ACVRL1: variants seen among roughly 807,000 people sequenced by gnomAD.
ACVRL1 encodes activin A receptor like type 1.
A neutral mutation model predicts 51.9 loss-of-function variants in ACVRL1; 20 were observed. That is an observed-to-expected ratio of 0.39 (90% CI 0.27 to 0.56). The LOEUF is 0.56. ACVRL1 is among the 20% of genes least tolerant of loss of function. The pLI is 0.67. For synonymous variants in ACVRL1, 288 were observed against 280.9 expected, an observed-to-expected ratio of 1.03 and a Z score of -0.25; for missense variants, 451 against 670.3, an observed-to-expected ratio of 0.67 and a Z score of 3.61.
Position 51,913,269 on chromosome 12 carries a change from A to G in ACVRL1, c.232A>G (p.Arg78Gly). The G allele has an allele frequency of 6.3e-7, 1 of 1,599,692 alleles. No individual in the cohort carries two copies. The highest frequency in any genetic ancestry group is 8.5e-7 in the Non-Finnish European group (1 of 1,173,288). Residue 78 changes from arginine to glycine, a missense_variant, in exon 3 of 10, where the codon AGG (arginine) becomes GGG (glycine). Physicochemically the swap from Arg to Gly is moderately radical, Grantham distance 125 (BLOSUM62 -2). Coordinates refer to ENST00000388922, the MANE Select transcript of ACVRL1 (RefSeq NM_000020.3). ...CGGGAACTTGCACAGGGAGCTCTGC[A>G]GGGGGCGCCCCACCGAGTTCGTCAA... Reference protein sequence around the residue: ...GCGNLHRELCRGRPTEFVNHY... With the variant: ...GCGNLHRELCGGRPTEFVNHY...
rs1243957857 is a variant in ACVRL1 at position 51,921,227 on chromosome 12, G to T, written c.*334G>T. ...GCCAAGCCAGGGAATCCCAGTCCCA[G>T]ACTCAGAGCCCGGGCCTGCACTTTG... On this transcript the variant is annotated 3_prime_UTR_variant, in exon 10 of 10. Coordinates refer to ENST00000388922, the MANE Select transcript of ACVRL1 (RefSeq NM_000020.3). 1.3e-5 allele frequency: 5 copies of T among 379,482 alleles called. No homozygotes were observed. Among genetic ancestry groups the T allele is most frequent in the Non-Finnish European group, 2.5e-5 (5 of 196,872 alleles). The allele number at this position is 379,482 out of a possible 1,614,324, so 23.5% of individuals were successfully genotyped here. A position where few individuals can be genotyped will look rare whatever the true frequency, so the allele number is the denominator to read the frequency against.
chr12:51,912,336 AG>A, intron 1 of ACVRL1, 133 bp from the exon 2 acceptor site: 3 of 926,656 alleles, frequency 3.2e-6, no homozygotes, highest in Non-Finnish European at 5.2e-6. Context: ...GCCAGGCGGC[AG>A]GGAGTAGGGA....
chr12:51,920,733 C>T (rs745853409), intron 9 of ACVRL1, 26 bp from the exon 10 acceptor site: 2 of 1,612,808 alleles, frequency 1.2e-6, no homozygotes, highest in East Asian at 2.2e-5. Context: ...GCCTCCTCTC[C>T]TCTGCACCTC....
chr12:51,915,362 G>A lies in ACVRL1; in HGVS notation c.910G>A (p.Val304Met), dbSNP rs1042298546. ...LEPHLALRLA[V>M]SAACGLAHLH... ...GCCCCATCTGGCTCTGAGGCTAGCT[G>A]TGTCCGCGGCATGCGGCCTGGCGCA... Residue 304 changes from valine to methionine, a missense_variant, in exon 7 of 10, where the codon GTG becomes ATG. Val to Met is a conservative substitution (Grantham distance 21, BLOSUM62 1). Transcript: ENST00000388922. 1 of 1,614,120 alleles carries A rather than the reference G, an allele frequency of 6.2e-7. No individual in the cohort carries two copies. The highest frequency in any genetic ancestry group is 1.3e-5 in the African/African-American group (1 of 75,076).
chr12:51,911,016 A>T (rs1456454105), intron 1 of ACVRL1, among the ~76,000 whole-genome samples: 1 of 152,156 alleles, frequency 6.6e-6, no homozygotes, highest in Admixed American at 6.5e-5. Context: ...TTCTTAGACT[A>T]TGGGCTTTCT....
Position 51,913,639 on chromosome 12 carries a change from C to T in ACVRL1, c.394C>T (p.Leu132=), listed in dbSNP as rs1490704254. Residue 132 remains leucine (L), a synonymous_variant, in exon 4 of 10, where the codon CTG becomes TTG. Coordinates refer to ENST00000388922, the MANE Select transcript of ACVRL1 (RefSeq NM_000020.3). ...ILGPVLALLA[L]VALGVLGLWH... ...GGGCCCCGTGCTGGCCTTGCTGGCC[C>T]TGGTGGCCCTGGGTGTCCTGGGCCT... 6.2e-7 allele frequency: 1 copy of T among 1,606,152 alleles called. No individual in the cohort carries two copies. Among genetic ancestry groups the T allele is most frequent in the Admixed American group, 1.7e-5 (1 of 60,016 alleles).
chr12:51,913,906 G>C lies in ACVRL1; in HGVS notation c.526-68G>C, dbSNP rs367746408. 2.8e-5 allele frequency: 44 copies of C among 1,584,568 alleles called. No homozygotes were observed. The East Asian group carries it at 8.7e-4, about 31-fold the overall frequency. ...GCTTGCAGTGACCCAGCAGGTCCCAGGTCGAGGATAGAGAAGGGGGCTGTG... is the reference window on the plus strand; with the variant it reads ...GCTTGCAGTGACCCAGCAGGTCCCACGTCGAGGATAGAGAAGGGGGCTGTG... On this transcript the variant is annotated intron_variant, in intron 4 of 9. Transcript: ENST00000388922.
rs1025460971 is a variant in ACVRL1 at position 51,917,904 on chromosome 12, G to A, written c.1247-1081G>A. On this transcript the variant is annotated intron_variant, in intron 8 of 9. Coordinates refer to ENST00000388922, the MANE Select transcript of ACVRL1 (RefSeq NM_000020.3). This position sits in a 1 kb window ranked among gnomAD's most constrained non-coding sequence, Gnocchi z 4.2. The stretch of plus-strand genomic sequence containing the variant: ...GGACTCGCGGCGCATTATAAACACT[G>A]TAATCTGGTGTCAGCCCCGGCACTG... Among the ~76,000 whole-genome samples, 1 of 152,188 alleles carries A rather than the reference G, an allele frequency of 6.6e-6. No individual in the cohort carries two copies. Among genetic ancestry groups the A allele is most frequent in the African/African-American group, 2.4e-5 (1 of 41,454 alleles).
Position 51,922,316 on chromosome 12 carries a change from G to A in ACVRL1, c.*1423G>A, listed in dbSNP as rs1941000546. 1 of 152,190 alleles carries A rather than the reference G, an allele frequency of 6.6e-6. No individual in the cohort carries two copies. Among genetic ancestry groups the A allele is most frequent in the Non-Finnish European group, 1.5e-5 (1 of 68,080 alleles). 9.4% of individuals were successfully genotyped at this position (152,190 alleles called of 1,614,324 possible). On this transcript the variant is annotated 3_prime_UTR_variant, in exon 10 of 10. Transcript: ENST00000388922. Reference sequence around the variant, plus strand: ...CACCCTTGGGCTCAGACAGCTCTGGGCCTTTTGACCACAAGCCAGCCCCTC... The same window carrying A: ...CACCCTTGGGCTCAGACAGCTCTGGACCTTTTGACCACAAGCCAGCCCCTC...
In ACVRL1 at chr12:51,916,145, C is replaced by T; in HGVS notation, c.1158C>T (p.Arg386=). 6.2e-7 allele frequency: 1 copy of T among 1,614,214 alleles called. No homozygotes were observed. Among genetic ancestry groups the T allele is most frequent in the South Asian group, 1.1e-5 (1 of 91,080 alleles). Residue 386 remains arginine (R), a synonymous_variant, in exon 8 of 10, where the codon CGC becomes CGT. Coordinates refer to ENST00000388922, the MANE Select transcript of ACVRL1 (RefSeq NM_000020.3). ...CCGAGGTGCTGGACGAGCAGATCCG[C>T]ACGGACTGCTTTGAGTCCTACAAGT... ...MAPEVLDEQI[R]TDCFESYKWT...
chr12:51,913,451 G>A (rs1378293310), intron 3 of ACVRL1, 101 bp downstream of exon 3: 37 of 1,534,346 alleles, frequency 2.4e-5, no homozygotes, highest in South Asian at 3.6e-5. Flanking sequence ...GGCTGGGGGC[G>A]GGGGAGCGGG....
At chr12:51,914,664 C>T in intron 6 of ACVRL1, 79 bp downstream of exon 6, 1 of 1,511,492 alleles carries the variant, frequency 6.6e-7, no homozygotes, top group African/African-American at 1.4e-5. Context: ...GACCTCCAGA[C>T]ATTAACAGAA....
At chr12:51,920,596 A>C in intron 9 of ACVRL1, among the ~76,000 whole-genome samples, 163 bp from the exon 10 acceptor site, 1 of 147,912 alleles carries the variant, frequency 6.8e-6, no homozygotes, top group African/African-American at 2.5e-5. Flanking sequence ...CCCTCCTCTC[A>C]TCCTTTCTCT....
In ACVRL1 at chr12:51,914,479, C is replaced by T. The variant is rs377194545; in HGVS notation, c.666C>T (p.His222=). 2.1e-4 allele frequency: 338 copies of T among 1,614,160 alleles called. No individual in the cohort carries two copies. The highest frequency in any genetic ancestry group is 6.9e-4 in the African/African-American group (52 of 75,036). Residue 222 remains histidine (H), a synonymous_variant, in exon 6 of 10, where the codon CAC becomes CAT. Coordinates refer to ENST00000388922, the MANE Select transcript of ACVRL1 (RefSeq NM_000020.3). ...GCGAAGTGTGGCGGGGCTTGTGGCA[C>T]GGTGAGAGTGTGGCCGTCAAGATCT... ...RYGEVWRGLW[H]GESVAVKIFS...
At position 51,915,342 on chromosome 12, in the gene ACVRL1, A is replaced by G. The variant is rs139380315; in HGVS notation, c.890A>G (p.His297Arg). The G allele has an allele frequency of 1.7e-4, 282 of 1,614,116 alleles. No individual in the cohort carries two copies. The highest frequency in any genetic ancestry group is 2.2e-4 in the Non-Finnish European group (255 of 1,180,038). ...CTGCAGAGACAGACGCTGGAGCCCC[A>G]TCTGGCTCTGAGGCTAGCTGTGTCC... Reference protein sequence around the residue: ...DFLQRQTLEPHLALRLAVSAA... With the variant: ...DFLQRQTLEPRLALRLAVSAA... The change falls in exon 7 of 10, where the codon CAT becomes CGT. Residue 297 changes from histidine to arginine, a missense_variant. This residue lies in a region of ACVRL1 where 259 missense variants were observed against 453.4 expected (regional missense o/e 0.57). Transcript: ENST00000388922.
rs568821415 is a variant in ACVRL1, at chr12:51,920,644, T to A, written c.1378-115T>A. 8.7e-4 allele frequency: 1,058 copies of A among 1,210,044 alleles called. No homozygotes were observed. The highest frequency in any genetic ancestry group is 9.8e-4 in the Non-Finnish European group (829 of 844,878). 75.0% of individuals were successfully genotyped at this position (1,210,044 alleles called of 1,614,324 possible). On this transcript the variant is annotated intron_variant, in intron 9 of 9. Transcript: ENST00000388922. ...TCCCCATTACCGGCCATCCTCCTCATCTTCTTCCCATCTTCTCTGACCCAC... is the reference window on the plus strand; with the variant it reads ...TCCCCATTACCGGCCATCCTCCTCAACTTCTTCCCATCTTCTCTGACCCAC...
In ACVRL1 at chr12:51,922,102, G is replaced by T. The variant is rs1337442839; in HGVS notation, c.*1209G>T. ...GTCCTTTGAGGCTTCTTTAGCTCTA[G>T]TTCTCTGACACTTCAGCCTATATCA... On this transcript the variant is annotated 3_prime_UTR_variant, in exon 10 of 10. Transcript: ENST00000388922. 1 of 152,138 alleles carries T rather than the reference G, an allele frequency of 6.6e-6. No homozygotes were observed. The highest frequency in any genetic ancestry group is 1.5e-5 in the Non-Finnish European group (1 of 68,022). 9.4% of individuals were successfully genotyped at this position (152,138 alleles called of 1,614,324 possible). A position where few individuals can be genotyped will look rare whatever the true frequency, so the allele number is the denominator to read the frequency against.
chr12:51,908,154 C>T (rs770809800), intron 1 of ACVRL1, among the ~76,000 whole-genome samples: 7 of 152,200 alleles, frequency 4.6e-5, no homozygotes, highest in Non-Finnish European at 8.8e-5. Flanking sequence ...GAATCTGACA[C>T]TATCACTCCA....
Position 51,920,762 on chromosome 12 carries a change from C to G in ACVRL1, c.1381C>G (p.Leu461Val), listed in dbSNP as rs762859184. ...IPNRLAADPVLSGLAQMMREC... is the reference protein window; with the variant it reads ...IPNRLAADPVVSGLAQMMREC... Reference sequence around the variant, plus strand: ...GCACCTCTCTCCCAACCCCCAGGTCCTCTCAGGCCTAGCTCAGATGATGCG... The same window carrying G: ...GCACCTCTCTCCCAACCCCCAGGTCGTCTCAGGCCTAGCTCAGATGATGCG... The change falls in exon 10 of 10, where the codon CTC becomes GTC. Residue 461 changes from leucine (L) to valine (V), a missense_variant. Coordinates refer to ENST00000388922, the MANE Select transcript of ACVRL1 (RefSeq NM_000020.3). 1 of 1,613,786 alleles carries G rather than the reference C, an allele frequency of 6.2e-7. No individual in the cohort carries two copies. Among genetic ancestry groups the G allele is most frequent in the South Asian group, 1.1e-5 (1 of 91,058 alleles).
Sources: gnomAD v4.1 joint callset for allele counts (sites outside exome capture counted in the v4.1 genomes callset) on GRCh38, gnomAD v4.1.1 for gene constraint, gnomAD v4.1.1 regional missense constraint, Gnocchi (gnomAD v3.1) non-coding constraint, MANE v1.5 for transcripts, NCBI Gene and HGNC (gene_info 2026-07-23, HGNC 2026-07-21) for gene names.